The following SPATA6 variants were observed in gnomAD, a reference collection of about 807,000 sequenced individuals.
The protein encoded by SPATA6 is spermatogenesis-associated protein 6.
Under a neutral mutation model 65.3 loss-of-function variants are expected in SPATA6, and 56 were observed. That is an observed-to-expected ratio of 0.86 (90% CI 0.69 to 1.07). The LOEUF (loss-of-function observed/expected upper bound fraction) is 1.07, where lower values mean the gene tolerates loss of function less well. SPATA6 is among the 50% of genes least tolerant of loss of function. The pLI, the probability that SPATA6 is intolerant of heterozygous loss-of-function variation, is 0.00. For synonymous variants in SPATA6, 199 were observed against 213.2 expected, an observed-to-expected ratio of 0.93 and a Z score of 0.58; for missense variants, 590 against 594.8, an observed-to-expected ratio of 0.99 and a Z score of 0.08.
intron 11 of SPATA6, among the ~76,000 whole-genome samples, chr1:48,317,312 T>C (rs1401176437): frequency 6.6e-6 from 1 of 152,058 alleles, no homozygotes; most frequent in Admixed American, 6.5e-5. Context: ...ATTAAGAAAA[T>C]GTGGCACATA....
intron 7 of SPATA6, among the ~76,000 whole-genome samples, chr1:48,397,625 T>C (rs1650730786): frequency 6.6e-6 from 1 of 151,738 alleles, no homozygotes; most frequent in South Asian, 2.1e-4. Flanking sequence ...TGCATATGCA[T>C]GTATTAAGTT....
At chr1:48,310,936 TAATA>T (rs1645191215) in intron 11 of SPATA6, among the ~76,000 whole-genome samples, 1 of 152,096 alleles carries the variant, frequency 6.6e-6, no homozygotes, top group African/African-American at 2.4e-5. Flanking sequence ...TTTGGGTAAT[TAATA>T]AATATGTAGA....
downstream of SPATA6, among the ~76,000 whole-genome samples, chr1:48,292,154 CAG>C (rs1386777731): frequency 6.6e-6 from 1 of 152,180 alleles, no homozygotes; most frequent in Non-Finnish European, 1.5e-5. Context: ...GCATTGGTGT[CAG>C]TGCATTTGAA....
chr1:48,379,758 T>A (rs562441667), intron 9 of SPATA6, among the ~76,000 whole-genome samples: 1 of 151,950 alleles, frequency 6.6e-6, no homozygotes, highest in Non-Finnish European at 1.5e-5. Flanking sequence ...AGCCACTTTC[T>A]CTTCTTTATT....
At chr1:48,436,315 C>G (rs1264245326) in intron 3 of SPATA6, 1 of 1,613,072 alleles carries the variant, frequency 6.2e-7, no homozygotes, top group Non-Finnish European at 8.5e-7. Flanking sequence ...TTTCCGGCAT[C>G]CCAATATTAC....
intron 3 of SPATA6, among the ~76,000 whole-genome samples, chr1:48,433,164 T>C (rs777080475): frequency 5.9e-5 from 9 of 152,146 alleles, no homozygotes; most frequent in Non-Finnish European, 8.8e-5. Context: ...TTAATGGGTA[T>C]AGTTTCAGTT....
At chr1:48,372,406 T>C (rs1647380258) in intron 9 of SPATA6, among the ~76,000 whole-genome samples, 1 of 152,188 alleles carries the variant, frequency 6.6e-6, no homozygotes, top group South Asian at 2.1e-4. Context: ...ATATCTCACA[T>C]CCAGCTCACA....
the SPATA6 span, among the ~76,000 whole-genome samples, chr1:48,284,260 T>C: frequency 6.6e-6 from 1 of 152,220 alleles, no homozygotes; most frequent in African/African-American, 2.4e-5. Context: ...GTTCTCATGC[T>C]GTGTTTTTCA....
chr1:48,315,047 T>C (rs554156065), intron 11 of SPATA6, among the ~76,000 whole-genome samples: 1 of 152,144 alleles, frequency 6.6e-6, no homozygotes, highest in Non-Finnish European at 1.5e-5. Flanking sequence ...GAGGCAATAA[T>C]TAATAGCTTA....
intron 3 of SPATA6, among the ~76,000 whole-genome samples, chr1:48,440,675 T>C (rs1655373016): frequency 6.6e-6 from 1 of 152,218 alleles, no homozygotes; most frequent in Non-Finnish European, 1.5e-5. Flanking sequence ...AAAATCCTTC[T>C]GCCTTCCTCG....
At chr1:48,412,095 C>T (rs1652298304) in intron 4 of SPATA6, among the ~76,000 whole-genome samples, 1 of 152,130 alleles carries the variant, frequency 6.6e-6, no homozygotes, top group Non-Finnish European at 1.5e-5. Context: ...CTCCTGACCT[C>T]ATGATCTGCC....
intron 11 of SPATA6, among the ~76,000 whole-genome samples, chr1:48,308,569 A>G (rs1645118791): frequency 6.6e-6 from 1 of 152,098 alleles, no homozygotes; most frequent in South Asian, 2.1e-4. Context: ...TGTGAATCTG[A>G]GCTACTGTCT....
chr1:48,436,930 A>G, intron 3 of SPATA6: 2 of 1,613,436 alleles, frequency 1.2e-6, no homozygotes, highest in Non-Finnish European at 1.7e-6. Context: ...CTCCAGTGGA[A>G]CTCACACAGT....
chr1:48,315,160 C>CAA (rs1645369747), intron 11 of SPATA6, among the ~76,000 whole-genome samples: 1 of 152,102 alleles, frequency 6.6e-6, no homozygotes, highest in East Asian at 1.9e-4. Context: ...CCAATCAACA[C>CAA]AAAAAGAGGG....
chr1:48,443,044 CA>C (rs888492281), intron 3 of SPATA6, among the ~76,000 whole-genome samples: 1 of 152,072 alleles, frequency 6.6e-6, no homozygotes, highest in African/African-American at 2.4e-5. Context: ...AAAAAAGACA[CA>C]ATGGTATTCA....
chr1:48,267,751 G>GGTT, the SPATA6 span, among the ~76,000 whole-genome samples: 94 of 75,974 alleles, frequency 1.2e-3, no homozygotes, highest in African/African-American at 3.2e-3. Flanking sequence ...CTAGGGTCTG[G>GGTT]GTTTTTTTTT....
At position 48,366,538 on chromosome 1, in the gene SPATA6, C is replaced by T. The variant is rs192155572; in HGVS notation, c.910-6768G>A. Among the ~76,000 whole-genome samples the T allele has an allele frequency of 1.2e-4, 19 of 152,300 alleles. No homozygotes were observed. The East Asian group carries it at 3.7e-3, about 29-fold the overall frequency. On this transcript the variant is annotated intron_variant, in intron 9 of 12. Transcript: ENST00000371847. ...TTTACTCTTGGGAGGGTGTATGTGT[C>T]TACGAATTTATCCATTTCTTCTAGA... is the stretch of plus-strand genomic sequence containing the variant.
intron 7 of SPATA6, among the ~76,000 whole-genome samples, chr1:48,398,635 A>C (rs927680730): frequency 6.6e-6 from 1 of 151,844 alleles, no homozygotes; most frequent in African/African-American, 2.4e-5. Context: ...TCAGTAAAGA[A>C]TTGCTTTTAA....
At chr1:48,380,943 T>C (rs1648496695) in intron 9 of SPATA6, among the ~76,000 whole-genome samples, 1 of 152,142 alleles carries the variant, frequency 6.6e-6, no homozygotes, top group African/African-American at 2.4e-5. Context: ...TTCCACGAAC[T>C]GGTGGGGGGC....
Sources: gnomAD v4.1 joint callset for allele counts (sites outside exome capture counted in the v4.1 genomes callset) on GRCh38, gnomAD v4.1.1 for gene constraint, MANE v1.5 for transcripts, NCBI Gene and HGNC (gene_info 2026-07-23, HGNC 2026-07-21) for gene names.